The following AATF variants were observed in gnomAD, a reference collection of about 807,000 sequenced individuals.
AATF encodes the protein protein AATF.
Under a neutral mutation model 63.7 loss-of-function variants are expected in AATF, and 48 were observed. The ratio of observed to expected loss-of-function variants is 0.75; its 90% CI spans 0.60 to 0.96. The LOEUF (loss-of-function observed/expected upper bound fraction) is 0.96. Among genes scored for constraint, AATF ranks in the 40% least tolerant of loss-of-function variants. The pLI is 0.00. For missense variants in AATF, 639 were observed against 685.7 expected (o/e 0.93, Z 0.76); for synonymous variants, 258 against 247.7 (o/e 1.04, Z -0.39).
chr17:37,041,092 A>G (rs565665857), intron 11 of AATF, among the ~76,000 whole-genome samples: 5 of 152,324 alleles, frequency 3.3e-5, no homozygotes, highest in African/African-American at 9.6e-5. Flanking sequence ...CCTGCTATTG[A>G]GGGTAGAACA....
intron 4 of AATF, among the ~76,000 whole-genome samples, chr17:36,975,600 A>G (rs1026058259): frequency 6.6e-6 from 1 of 152,208 alleles, no homozygotes; most frequent in Non-Finnish European, 1.5e-5. Flanking sequence ...TGCAGTTTCT[A>G]CCTATTATAA....
chr17:36,968,101 G>A (rs547867576), intron 4 of AATF, among the ~76,000 whole-genome samples: 23 of 150,980 alleles, frequency 1.5e-4, no homozygotes, highest in East Asian at 7.8e-4. Flanking sequence ...TTTCTGGAAG[G>A]CCTATTACTT....
At chr17:36,991,587 C>CT (rs34166182) in intron 8 of AATF, among the ~76,000 whole-genome samples, 31,594 of 138,552 alleles carry the variant, frequency 0.23, 4,542 homozygotes, top group African/African-American at 0.41. Context: ...ATAAGTTATA[C>CT]TTTTTTTTTT....
At position 36,986,629 on chromosome 17, in the gene AATF, T is replaced by C; in HGVS notation, c.845T>C (p.Leu282Pro). ...SSALKNSHKA[L>P]KALLRSLVGL... ...CTTTATTTCCCAGGTCACAAGGCAC[T>C]TAAAGCATTGTTGAGGTCATTGGTA... The change falls in exon 5 of 12, where the codon CTT (leucine) becomes CCT (proline). Residue 282 changes from leucine (L) to proline (P), a missense_variant. Coordinates refer to ENST00000619387, the MANE Select transcript of AATF (RefSeq NM_012138.4). 3 of 1,614,084 alleles carry C rather than the reference T, an allele frequency of 1.9e-6. No homozygotes were observed. Among genetic ancestry groups the C allele is most frequent in the Non-Finnish European group, 2.5e-6 (3 of 1,179,930 alleles).
chr17:37,020,487 A>G (rs1289354137), intron 9 of AATF, among the ~76,000 whole-genome samples: 1 of 152,242 alleles, frequency 6.6e-6, no homozygotes, highest in Non-Finnish European at 1.5e-5. Flanking sequence ...ATTAGCAAAA[A>G]TTGGAAAGCA....
chr17:36,954,268 G>A (rs1199523811), intron 4 of AATF, among the ~76,000 whole-genome samples: 1 of 151,898 alleles, frequency 6.6e-6, no homozygotes, highest in Non-Finnish European at 1.5e-5. Context: ...ATTTTGTAGA[G>A]ACAGGGTCTC....
At chr17:37,056,026 T>G (rs552428431) in intron 11 of AATF, 2 of 152,378 alleles carry the variant, frequency 1.3e-5, no homozygotes, top group African/African-American at 4.8e-5. Context: ...TGTTATTGTT[T>G]TAATGTCAAA....
chr17:37,029,047 T>C (rs969330501), intron 10 of AATF, among the ~76,000 whole-genome samples: 4 of 152,070 alleles, frequency 2.6e-5, no homozygotes, highest in African/African-American at 9.7e-5. Context: ...GTTTGTTTGT[T>C]TTTTAGATAA....
intron 11 of AATF, among the ~76,000 whole-genome samples, chr17:37,036,187 A>T (rs759925687): frequency 8.5e-5 from 13 of 152,216 alleles, no homozygotes; most frequent in Non-Finnish European, 1.9e-4. Context: ...GTTTACCCAC[A>T]TCTGGAAGTA....
At chr17:37,030,987 T>G (rs931073202) in intron 10 of AATF, among the ~76,000 whole-genome samples, 1 of 152,250 alleles carries the variant, frequency 6.6e-6, no homozygotes, top group Non-Finnish European at 1.5e-5. Flanking sequence ...AAAGCACAAG[T>G]GTACCTGTTC....
intron 5 of AATF, among the ~76,000 whole-genome samples, chr17:36,987,153 A>ATTTTTTTTTTTTTTTTTTTTTTTT (rs11286976): frequency 8.2e-6 from 1 of 121,374 alleles, no homozygotes; most frequent in African/African-American, 3.2e-5. Flanking sequence ...ATGCCTGGCT[A>ATTTTTTTTTTTTTTTTTTTTTTTT]TTTTTTTTTT....
At chr17:37,019,851 A>T (rs971774840) in intron 9 of AATF, among the ~76,000 whole-genome samples, 1 of 152,226 alleles carries the variant, frequency 6.6e-6, no homozygotes, top group African/African-American at 2.4e-5. Context: ...TATCTCTGGA[A>T]TGTTATAGAG....
At chr17:37,018,527 C>T (rs559408259) in intron 8 of AATF, among the ~76,000 whole-genome samples, 1 of 152,320 alleles carries the variant, frequency 6.6e-6, no homozygotes, top group South Asian at 2.1e-4. Context: ...TAATTACATA[C>T]AGTAAAGGCT....
At chr17:36,996,737 T>C (rs919965824) in intron 8 of AATF, among the ~76,000 whole-genome samples, 5 of 152,178 alleles carry the variant, frequency 3.3e-5, no homozygotes, top group Non-Finnish European at 5.9e-5. Flanking sequence ...CTCACTGTTG[T>C]GGAAGCTGCA....
At chr17:36,973,627 C>A (rs770465838) in intron 4 of AATF, among the ~76,000 whole-genome samples, 2 of 152,206 alleles carry the variant, frequency 1.3e-5, no homozygotes, top group Non-Finnish European at 2.9e-5. Flanking sequence ...GATACTGTTT[C>A]ATTCACTAAG....
chr17:37,014,628 T>A (rs866657553), intron 8 of AATF, among the ~76,000 whole-genome samples: 16 of 152,214 alleles, frequency 1.1e-4, no homozygotes, highest in Non-Finnish European at 2.1e-4. Flanking sequence ...CATGATGATG[T>A]GTCTTGACAG....
chr17:37,051,489 A>G (rs1168893631), intron 11 of AATF, among the ~76,000 whole-genome samples: 1 of 152,116 alleles, frequency 6.6e-6, no homozygotes, highest in East Asian at 1.9e-4. Flanking sequence ...CACATGTGGA[A>G]CTGAAAGGAA....
intron 3 of AATF, 118 bp downstream of exon 3, chr17:36,953,414 A>T (rs1298661501): frequency 6.7e-7 from 1 of 1,482,798 alleles, no homozygotes; most frequent in African/African-American, 1.4e-5. Flanking sequence ...AGTTTGTGAC[A>T]TGCCCCACTT....
In AATF at chr17:36,969,115, T is replaced by C. The variant is rs1458146330; in HGVS notation, c.832+15208T>C. ...ATACCAAAAAGTTGATTGGGAACTT[T>C]GTATGTTGGATGGGGCTTTTTGTCT... On this transcript the variant is annotated intron_variant, in intron 4 of 11. Coordinates refer to ENST00000619387, the MANE Select transcript of AATF (RefSeq NM_012138.4). Among the ~76,000 whole-genome samples, 3 of 152,248 alleles carry C rather than the reference T, an allele frequency of 2.0e-5. No homozygotes were observed. In the East Asian group the frequency reaches 5.8e-4, roughly 29 times the overall value.
Sources: allele counts gnomAD v4.1 joint callset (sites outside exome capture counted in the v4.1 genomes callset), GRCh38; gene constraint gnomAD v4.1.1; transcripts MANE v1.5; gene names NCBI Gene and HGNC (gene_info 2026-07-23, HGNC 2026-07-21).